Variants in SH3GL2 observed in about 807,000 individuals in gnomAD.
The protein encoded by SH3GL2 is SH3 domain containing GRB2 like 2, endophilin A1.
A neutral mutation model predicts 46.0 loss-of-function variants in SH3GL2; 24 were observed. The observed-to-expected ratio is 0.52, with a 90% CI of 0.38 to 0.73. The LOEUF is 0.73. Ranked by LOEUF, SH3GL2 falls within the 30% of genes least tolerant of loss-of-function variation. The probability of loss-of-function intolerance (pLI) is 0.00; values close to 1 mark genes in which losing one functional copy is unlikely to be tolerated. For synonymous variants in SH3GL2, 196 were observed against 147.1 expected (o/e 1.33, Z -2.40); for missense variants, 413 against 424.2 (o/e 0.97, Z 0.23).
At chr9:17,748,861 A>C (rs1822766084) in intron 2 of SH3GL2, among the ~76,000 whole-genome samples, 1 of 152,156 alleles carries the variant, frequency 6.6e-6, no homozygotes, top group African/African-American at 2.4e-5. Context: ...TGAAGATGGG[A>C]AAGAGTTAGC....
chr9:17,601,384 G>A (rs74941774), intron 1 of SH3GL2, among the ~76,000 whole-genome samples: 102 of 152,212 alleles, frequency 6.7e-4, no homozygotes, highest in Admixed American at 3.7e-3. Context: ...AAATAGTTGA[G>A]TGTAATTCAT....
intron 7 of SH3GL2, 137 bp downstream of exon 7, chr9:17,791,471 A>G (rs987851410): frequency 1.6e-6 from 1 of 633,074 alleles, no homozygotes; most frequent in Non-Finnish European, 2.8e-6. Context: ...CGCCTTGTGG[A>G]TTGTTTTGAT....
At chr9:17,694,840 C>G (rs938786933) in intron 1 of SH3GL2, among the ~76,000 whole-genome samples, 2 of 152,156 alleles carry the variant, frequency 1.3e-5, no homozygotes, top group Non-Finnish European at 2.9e-5. Context: ...AAAACCTTCA[C>G]AAGTGGGGGC....
chr9:17,614,918 A>G (rs535976582), intron 1 of SH3GL2, among the ~76,000 whole-genome samples: 2 of 152,208 alleles, frequency 1.3e-5, no homozygotes, highest in Admixed American at 1.3e-4. Context: ...CCCACACCCA[A>G]AAGGCTCCGC....
At chr9:17,776,061 T>C (rs555247009) in intron 3 of SH3GL2, among the ~76,000 whole-genome samples, 1 of 152,274 alleles carries the variant, frequency 6.6e-6, no homozygotes, top group Non-Finnish European at 1.5e-5. Context: ...CATAATCATC[T>C]AGGGTGGGGA....
chr9:17,698,070 G>T (rs1821253157), intron 1 of SH3GL2, among the ~76,000 whole-genome samples: 1 of 152,126 alleles, frequency 6.6e-6, no homozygotes, highest in Non-Finnish European at 1.5e-5. Flanking sequence ...ACATATAATT[G>T]CCTGGGTACT....
intron 3 of SH3GL2, among the ~76,000 whole-genome samples, chr9:17,770,018 A>C (rs1823425683): frequency 6.6e-6 from 1 of 152,226 alleles, no homozygotes; most frequent in Non-Finnish European, 1.5e-5. Context: ...GAATCAAATC[A>C]TGTGAAGCAT....
chr9:17,600,954 C>G (rs1379943808), intron 1 of SH3GL2, among the ~76,000 whole-genome samples: 6 of 152,174 alleles, frequency 3.9e-5, no homozygotes, highest in Non-Finnish European at 8.8e-5. Flanking sequence ...TAATGGATCT[C>G]TAAATTTTTT....
intron 1 of SH3GL2, among the ~76,000 whole-genome samples, chr9:17,688,849 TGGG>T (rs949046897): frequency 4.6e-5 from 7 of 151,938 alleles, no homozygotes; most frequent in Non-Finnish European, 1.0e-4. Flanking sequence ...AATTAATAAA[TGGG>T]GGAGAAGACA....
At chr9:17,708,225 C>T (rs1230894058) in intron 1 of SH3GL2, among the ~76,000 whole-genome samples, 1 of 152,008 alleles carries the variant, frequency 6.6e-6, no homozygotes, top group Non-Finnish European at 1.5e-5. Context: ...ACATCCTCAT[C>T]ACTGTCCCCA....
At chr9:17,706,373 G>GT (rs1821473696) in intron 1 of SH3GL2, among the ~76,000 whole-genome samples, 1 of 152,052 alleles carries the variant, frequency 6.6e-6, no homozygotes, top group Non-Finnish European at 1.5e-5. Flanking sequence ...AATTTAAGCT[G>GT]TTTTTCTCCA....
chr9:17,694,421 C>G (rs1015582493), intron 1 of SH3GL2, among the ~76,000 whole-genome samples: 5 of 152,174 alleles, frequency 3.3e-5, no homozygotes, highest in South Asian at 2.1e-4. Context: ...GATTTCTTAA[C>G]TGTTCTATTG....
chr9:17,732,164 A>G (rs947205643), intron 1 of SH3GL2, among the ~76,000 whole-genome samples: 2 of 152,076 alleles, frequency 1.3e-5, no homozygotes, highest in Non-Finnish European at 2.9e-5. Flanking sequence ...GCACATTAAT[A>G]TTACCCTTTA....
chr9:17,640,615 C>T lies in SH3GL2; in HGVS notation c.45+61328C>T, dbSNP rs561045839. Among the ~76,000 whole-genome samples the T allele has an allele frequency of 7.2e-5, 11 of 152,206 alleles. No individual in the cohort carries two copies. The East Asian group carries it at 2.1e-3, about 29-fold the overall frequency. On this transcript the variant is annotated intron_variant, in intron 1 of 8. Transcript: ENST00000380607. ...CTGTTGTGAAGATGAACTGAGACCA[C>T]CTATGTCAGATGTAGCAGACAGCAT... is the stretch of plus-strand genomic sequence containing the variant.
chr9:17,743,494 C>G (rs1350555014), intron 1 of SH3GL2, among the ~76,000 whole-genome samples: 10 of 151,964 alleles, frequency 6.6e-5, no homozygotes, highest in Non-Finnish European at 1.5e-4. Context: ...GGAAAGCTCT[C>G]TCTTGTTCGC....
chr9:17,746,387 T>C (rs548712315), intron 1 of SH3GL2, among the ~76,000 whole-genome samples: 1 of 152,340 alleles, frequency 6.6e-6, no homozygotes, highest in East Asian at 1.9e-4. Context: ...TAATTTTTTA[T>C]GAACATGAAT....
intron 1 of SH3GL2, among the ~76,000 whole-genome samples, chr9:17,676,138 A>C (rs2118000764): frequency 6.6e-6 from 1 of 152,264 alleles, no homozygotes. Context: ...GGTAGACCTA[A>C]GTTTTTACCC....
intron 1 of SH3GL2, among the ~76,000 whole-genome samples, chr9:17,685,408 A>G (rs1820876567): frequency 6.6e-6 from 1 of 152,092 alleles, no homozygotes; most frequent in South Asian, 2.1e-4. Context: ...TGCTGAATGT[A>G]GATTTTAAGC....
intron 3 of SH3GL2, among the ~76,000 whole-genome samples, chr9:17,770,325 C>G (rs1302660894): frequency 1.3e-5 from 2 of 152,264 alleles, no homozygotes; most frequent in South Asian, 4.1e-4. Flanking sequence ...CCGAACTATA[C>G]AACAGAACAG....
Sources: allele counts gnomAD v4.1 joint callset (sites outside exome capture counted in the v4.1 genomes callset), GRCh38; gene constraint gnomAD v4.1.1; transcripts MANE v1.5; gene names NCBI Gene and HGNC (gene_info 2026-07-23, HGNC 2026-07-21).